The following LOC400499 variants were observed in gnomAD, a reference collection of about 807,000 sequenced individuals.
At chr16:11,444,776 T>C in the LOC400499 span, among the ~76,000 whole-genome samples, 6 of 152,080 alleles carry the variant, frequency 3.9e-5, no homozygotes, top group South Asian at 6.2e-4. Flanking sequence ...CAGGGATTGA[T>C]GGATCACACA....
At chr16:11,417,539 G>T in the LOC400499 span, 1 of 398,194 alleles carries the variant, frequency 2.5e-6, no homozygotes, top group Admixed American at 4.4e-5. Flanking sequence ...CTTGACAGGA[G>T]TGCCACCTGG....
At chr16:11,400,170 C>T in the LOC400499 span, among the ~76,000 whole-genome samples, 121 of 152,224 alleles carry the variant, frequency 7.9e-4, no homozygotes, top group East Asian at 0.021. Context: ...TGTCCCTGCC[C>T]ATCTGACCTC....
the LOC400499 span, among the ~76,000 whole-genome samples, chr16:11,415,591 C>T: frequency 2.6e-5 from 4 of 152,200 alleles, no homozygotes; most frequent in Admixed American, 2.6e-4. Context: ...GTACCTACTA[C>T]ATGCAGGGCA....
At chr16:11,471,767 G>A in the LOC400499 span, 1 of 399,194 alleles carries the variant, frequency 2.5e-6, no homozygotes, top group Non-Finnish European at 4.4e-6. Flanking sequence ...GGCTGGCCAG[G>A]CACCGGCCAG....
chr16:11,523,786 A>G, the LOC400499 span, among the ~76,000 whole-genome samples: 1 of 151,850 alleles, frequency 6.6e-6, no homozygotes, highest in African/African-American at 2.4e-5. Context: ...AAGCTCTGCC[A>G]ATTCCATCAA....
At chr16:11,469,581 G>A in the LOC400499 span, 1 of 398,950 alleles carries the variant, frequency 2.5e-6, no homozygotes, top group East Asian at 3.6e-5. Flanking sequence ...TGTAGCTCAT[G>A]TCCACCCCGA....
chr16:11,443,408 C>G, the LOC400499 span: 4 of 413,672 alleles, frequency 9.7e-6, no homozygotes, highest in Non-Finnish European at 1.9e-5. Flanking sequence ...TTGCGGTGAG[C>G]TGAGATCAAG....
At chr16:11,504,453 G>C in the LOC400499 span, among the ~76,000 whole-genome samples, 132 of 152,196 alleles carry the variant, frequency 8.7e-4, 1 homozygote, top group Admixed American at 2.7e-3. Flanking sequence ...CTATTCAGGA[G>C]GCTGAGGCAA....
chr16:11,373,907 A>C, the LOC400499 span, among the ~76,000 whole-genome samples: 1 of 152,138 alleles, frequency 6.6e-6, no homozygotes, highest in African/African-American at 2.4e-5. Context: ...GGCATGAGTG[A>C]CCTTGCCTGG....
the LOC400499 span, among the ~76,000 whole-genome samples, chr16:11,482,546 A>C: frequency 6.6e-6 from 1 of 152,188 alleles, no homozygotes; most frequent in Non-Finnish European, 1.5e-5. Context: ...GAGAACAAAA[A>C]GATACACCAC....
the LOC400499 span, chr16:11,407,330 T>C: frequency 5.1e-6 from 2 of 391,124 alleles, no homozygotes; most frequent in Non-Finnish European, 8.9e-6. Context: ...ACCCTTGGAG[T>C]AGTGTAGCTG....
the LOC400499 span, among the ~76,000 whole-genome samples, chr16:11,382,224 C>T: frequency 6.6e-6 from 1 of 152,246 alleles, no homozygotes; most frequent in African/African-American, 2.4e-5. Flanking sequence ...AGGCATAAGC[C>T]ACCACACCCG....
At chr16:11,395,319 A>G in the LOC400499 span, among the ~76,000 whole-genome samples, 3 of 152,260 alleles carry the variant, frequency 2.0e-5, no homozygotes, top group Admixed American at 2.0e-4. Flanking sequence ...CACAGACCCC[A>G]GAATGGACCA....
the LOC400499 span, chr16:11,494,746 G>A: frequency 2.6e-4 from 103 of 399,016 alleles, no homozygotes; most frequent in Admixed American, 8.4e-4. Flanking sequence ...TGGCCCTCGG[G>A]GTCTGGAGCA....
the LOC400499 span, among the ~76,000 whole-genome samples, chr16:11,516,583 G>C: frequency 0.012 from 1,804 of 152,280 alleles, 38 homozygotes; most frequent in African/African-American, 0.035. Context: ...GAGACCCCAA[G>C]AGCTGCCTGC....
At chr16:11,407,326 G>T in the LOC400499 span, 1 of 395,980 alleles carries the variant, frequency 2.5e-6, no homozygotes, top group East Asian at 3.6e-5. Flanking sequence ...CCTCACCCTT[G>T]GAGTAGTGTA....
chr16:11,442,046 T>A, the LOC400499 span: 21 of 152,214 alleles, frequency 1.4e-4, no homozygotes, highest in Admixed American at 7.9e-4. Context: ...CATGTTGCCA[T>A]CTTTTCCTAC....
chr16:11,504,075 G>A, the LOC400499 span, among the ~76,000 whole-genome samples: 1 of 152,122 alleles, frequency 6.6e-6, no homozygotes, highest in Non-Finnish European at 1.5e-5. Flanking sequence ...CTCCTCCTCT[G>A]GGCAAGCCTC....
At chr16:11,527,170 C>G in the LOC400499 span, among the ~76,000 whole-genome samples, 1 of 152,190 alleles carries the variant, frequency 6.6e-6, no homozygotes, top group Non-Finnish European at 1.5e-5. Context: ...CCACGGGGGC[C>G]GGCATCACTT....
Sources: allele counts gnomAD v4.1 joint callset (sites outside exome capture counted in the v4.1 genomes callset), GRCh38; gene constraint gnomAD v4.1.1; transcripts MANE v1.5.